The following RPGRIP1L variants were observed in gnomAD, a reference collection of about 807,000 sequenced individuals.
The protein encoded by RPGRIP1L is RPGRIP1 like.
A neutral mutation model predicts 160.4 loss-of-function variants in RPGRIP1L; 131 were observed. That is an observed-to-expected ratio of 0.82 (90% CI 0.71 to 0.94). RPGRIP1L has a LOEUF of 0.94. RPGRIP1L is among the 40% of genes least tolerant of loss of function. The probability of loss-of-function intolerance (pLI) is 0.00; values close to 1 mark genes in which losing one functional copy is unlikely to be tolerated. For missense variants in RPGRIP1L, 1,522 were observed against 1,535.8 expected, an observed-to-expected ratio of 0.99 and a Z score of 0.15; for synonymous variants, 510 against 515.8, an observed-to-expected ratio of 0.99 and a Z score of 0.15.
intron 23 of RPGRIP1L, among the ~76,000 whole-genome samples, chr16:53,620,591 A>T (rs1431110373): frequency 6.6e-6 from 1 of 152,194 alleles, no homozygotes; most frequent in Non-Finnish European, 1.5e-5. Flanking sequence ...TAATAAATCA[A>T]ATGACTGCCA....
intron 6 of RPGRIP1L, among the ~76,000 whole-genome samples, chr16:53,677,369 T>A (rs1969263810): frequency 6.6e-6 from 1 of 152,224 alleles, no homozygotes; most frequent in Admixed American, 6.5e-5. Flanking sequence ...CCTGGGACAA[T>A]GCTAAACTTG....
At chr16:53,602,219 A>T in intron 26 of RPGRIP1L, 31 bp from the exon 27 acceptor site, 1 of 1,426,114 alleles carries the variant, frequency 7.0e-7, no homozygotes, top group Non-Finnish European at 9.9e-7. Flanking sequence ...AAGTGTTAAT[A>T]TCATTCAACA....
chr16:53,604,735 G>A (rs972313046), intron 26 of RPGRIP1L, among the ~76,000 whole-genome samples: 1 of 152,174 alleles, frequency 6.6e-6, no homozygotes, highest in African/African-American at 2.4e-5. Flanking sequence ...GAATTAAAGA[G>A]AAGCCTTGAG....
chr16:53,607,221 C>G (rs1963745761), intron 25 of RPGRIP1L, among the ~76,000 whole-genome samples: 1 of 152,142 alleles, frequency 6.6e-6, no homozygotes. Flanking sequence ...TTGTGAAGAT[C>G]AAATGAGATG....
rs1166401715 is a variant in RPGRIP1L at position 53,615,472 on chromosome 16, A to ATTTT, written c.3616+3549_3616+3552dup. ...TAAGAATATATATATATATATATAT[A>ATTTT]TTTTTTTTTTTTTTTTTTTGAGATG... On this transcript the variant is annotated intron_variant, in intron 24 of 26. Coordinates refer to ENST00000647211, the MANE Select transcript of RPGRIP1L (RefSeq NM_015272.5). Among the ~76,000 whole-genome samples the ATTTT allele has an allele frequency of 1.1e-3, 82 of 75,046 alleles. 1 individual carries two copies. The highest frequency in any genetic ancestry group is 3.8e-3 in the African/African-American group (71 of 18,860). 49.2% of individuals were successfully genotyped at this position (75,046 alleles called of 152,430 possible). A position where few individuals can be genotyped will look rare whatever the true frequency, so the allele number is the denominator to read the frequency against.
At chr16:53,605,269 A>C (rs1436195849) in intron 26 of RPGRIP1L, 7 of 610,408 alleles carry the variant, frequency 1.1e-5, no homozygotes, top group African/African-American at 3.7e-5. Context: ...ATTATTTTAC[A>C]ATTGCTGTTG....
At chr16:53,654,276 A>G (rs1022468778) in intron 14 of RPGRIP1L, among the ~76,000 whole-genome samples, 2 of 152,122 alleles carry the variant, frequency 1.3e-5, no homozygotes, top group African/African-American at 2.4e-5. Context: ...GGCCTTCACA[A>G]TTTTGTTCCT....
chr16:53,644,128 A>C (rs1000389519), intron 17 of RPGRIP1L, among the ~76,000 whole-genome samples: 4 of 152,208 alleles, frequency 2.6e-5, no homozygotes, highest in African/African-American at 9.6e-5. Flanking sequence ...TAGGAGTTGA[A>C]GTCCAGCCTG....
chr16:53,639,572 C>T (rs974950394), intron 19 of RPGRIP1L, among the ~76,000 whole-genome samples: 9 of 152,046 alleles, frequency 5.9e-5, no homozygotes, highest in African/African-American at 2.2e-4. Flanking sequence ...CAACAAACAC[C>T]TCTATGTTTA....
intron 22 of RPGRIP1L, among the ~76,000 whole-genome samples, chr16:53,629,372 A>G (rs1254203655): frequency 1.3e-5 from 2 of 152,166 alleles, no homozygotes; most frequent in Non-Finnish European, 2.9e-5. Flanking sequence ...GGTGGACTCC[A>G]TAGAACTTCT....
intron 7 of RPGRIP1L, 88 bp from the exon 8 acceptor site, chr16:53,673,104 C>A: frequency 7.8e-7 from 1 of 1,283,544 alleles, no homozygotes; most frequent in South Asian, 1.3e-5. Context: ...GATTACAATT[C>A]TATAAATGAA....
chr16:53,641,158 C>T lies in RPGRIP1L; in HGVS notation c.2875-42G>A, dbSNP rs368890714. 265 of 1,561,420 alleles carry T rather than the reference C, an allele frequency of 1.7e-4. 2 individuals carry two copies. In the African/African-American group the frequency reaches 3.2e-3, roughly 19 times the overall value. On this transcript the variant is annotated intron_variant, in intron 18 of 26. Coordinates refer to ENST00000647211, the MANE Select transcript of RPGRIP1L (RefSeq NM_015272.5). Reference sequence around the variant, plus strand: ...AATGTGTCAGACTGAGTATGATGACCATTAGATTTCAGATAAGACTTTAGC... The same window carrying T: ...AATGTGTCAGACTGAGTATGATGACTATTAGATTTCAGATAAGACTTTAGC...
intron 7 of RPGRIP1L, among the ~76,000 whole-genome samples, chr16:53,673,437 G>A (rs981972977): frequency 7.2e-5 from 11 of 152,216 alleles, no homozygotes; most frequent in Admixed American, 3.9e-4. Context: ...CTGCCACATC[G>A]TATAAACAGC....
rs1967498439 is a variant in RPGRIP1L at position 53,658,778 on chromosome 16, G to A, written c.1344C>T (p.Tyr448=). The A allele has an allele frequency of 6.3e-7, 1 of 1,586,650 alleles. No individual in the cohort carries two copies. Among genetic ancestry groups the A allele is most frequent in the Non-Finnish European group, 8.6e-7 (1 of 1,159,926 alleles). ...LDELKKRIKL[Y]NQENDINADE... Reference sequence around the variant, plus strand: ...AAATAAGGAAATAATTCACCTGGTTGTACAATTTTATGCGTTTTTTAAGTT... The same window carrying A: ...AAATAAGGAAATAATTCACCTGGTTATACAATTTTATGCGTTTTTTAAGTT... The change falls in exon 11 of 27, where the codon TAC becomes TAT. Residue 448 remains tyrosine (Y), a synonymous_variant. Transcript: ENST00000647211.
At chr16:53,699,160 A>G (rs926171769) in intron 2 of RPGRIP1L, among the ~76,000 whole-genome samples, 10 of 152,046 alleles carry the variant, frequency 6.6e-5, no homozygotes, top group African/African-American at 1.9e-4. Flanking sequence ...GCAGTGCAAG[A>G]TGTGCTTTGT....
chr16:53,692,081 C>A lies in RPGRIP1L; in HGVS notation c.514G>T (p.Glu172Ter), dbSNP rs1285223205. The part of the protein sequence containing the change: ...RKANENAGLQ[E>*]CPRKGIKFQD... ...TTTGTTTTACCTTTCCTGGGGCATT[C>A]CTGTAAACCAGCATTTTCATTTGCT... The change falls in exon 4 of 27, where the codon GAA becomes TAA. Residue 172 changes from glutamate (E) to a stop codon, truncating the protein, a stop_gained. Coordinates refer to ENST00000647211, the MANE Select transcript of RPGRIP1L (RefSeq NM_015272.5). LOFTEE classifies it high-confidence loss of function. 1 of 1,613,844 alleles carries A rather than the reference C, an allele frequency of 6.2e-7. No individual in the cohort carries two copies. Among genetic ancestry groups the A allele is most frequent in the African/African-American group, 1.3e-5 (1 of 74,872 alleles).
intron 5 of RPGRIP1L, among the ~76,000 whole-genome samples, chr16:53,687,063 C>T (rs1035118839): frequency 1.3e-5 from 2 of 152,086 alleles, no homozygotes; most frequent in Admixed American, 6.6e-5. Flanking sequence ...CCGGTATAAA[C>T]GTTGGCTTTT....
At chr16:53,659,535 G>C (rs1476857117) in intron 10 of RPGRIP1L, 1 of 152,352 alleles carries the variant, frequency 6.6e-6, no homozygotes, top group African/African-American at 2.4e-5. Flanking sequence ...ACTTCCAACA[G>C]GTCTATTACA....
chr16:53,652,412 G>A lies in RPGRIP1L; in HGVS notation c.2152+123C>T, dbSNP rs1221465994. 5.2e-6 allele frequency: 4 copies of A among 771,328 alleles called. No individual in the cohort carries two copies. In the East Asian group the frequency reaches 1.1e-4, roughly 20 times the overall value. 47.8% of individuals were successfully genotyped at this position (771,328 alleles called of 1,614,324 possible). A position where few individuals can be genotyped will look rare whatever the true frequency, so the allele number is the denominator to read the frequency against. ...GATAGTCCAATTAACTGTGGGTAAA[G>A]AATGTTGTCCTTGCTCTAAAGGCAC... On this transcript the variant is annotated intron_variant, in intron 15 of 26. Transcript: ENST00000647211.
Sources: gnomAD v4.1 joint callset for allele counts (sites outside exome capture counted in the v4.1 genomes callset) on GRCh38, gnomAD v4.1.1 for gene constraint, MANE v1.5 for transcripts, NCBI Gene and HGNC (gene_info 2026-07-23, HGNC 2026-07-21) for gene names.